The following ZNF365 variants were observed in gnomAD, a reference collection of about 807,000 sequenced individuals.
The protein encoded by ZNF365 is zinc finger protein 365, also known as protein ZNF365.
In ZNF365, 22 loss-of-function variants were observed where a neutral mutation model predicts 35.0. The observed-to-expected ratio is 0.63, with a 90% CI of 0.45 to 0.90. ZNF365 has a LOEUF of 0.90. Among genes scored for constraint, ZNF365 ranks in the 40% least tolerant of loss-of-function variants. ZNF365 has a pLI of 0.00. For missense variants in ZNF365, 448 were observed against 500.3 expected (o/e 0.90, Z 1.00); for synonymous variants, 188 against 196.2 (o/e 0.96, Z 0.35).
intron 4 of ZNF365, among the ~76,000 whole-genome samples, chr10:62,467,593 G>A (rs761641541): frequency 5.3e-5 from 8 of 152,168 alleles, no homozygotes; most frequent in East Asian, 1.9e-4. Flanking sequence ...TATGATATGC[G>A]TACTACACAT....
At chr10:62,459,715 T>C (rs1231724414) in intron 3 of ZNF365, 8 of 1,598,364 alleles carry the variant, frequency 5.0e-6, no homozygotes, top group Non-Finnish European at 6.8e-6. Flanking sequence ...CCATTCATGA[T>C]GGCAGTACCC....
intron 3 of ZNF365, among the ~76,000 whole-genome samples, chr10:62,447,911 C>T (rs1840616781): frequency 6.6e-6 from 1 of 152,190 alleles, no homozygotes; most frequent in South Asian, 2.1e-4. Flanking sequence ...ACTTAAAGTA[C>T]AATCTTTCCT....
At chr10:62,382,570 C>T (rs1002695866) in intron 2 of ZNF365, among the ~76,000 whole-genome samples, 2 of 152,190 alleles carry the variant, frequency 1.3e-5, no homozygotes, top group Admixed American at 1.3e-4. Context: ...CCTTGGGACT[C>T]AGAATATAGT....
Position 62,480,066 on chromosome 10 carries a change from G to C in ZNF365, c.*170G>C. 3 of 1,332,882 alleles carry C rather than the reference G, an allele frequency of 2.3e-6. No homozygotes were observed. The South Asian group carries it at 4.7e-5, about 21-fold the overall frequency. 82.6% of individuals were successfully genotyped at this position (1,332,882 alleles called of 1,614,324 possible). On this transcript the variant is annotated 3_prime_UTR_variant, in exon 5 of 5. Coordinates refer to the ZNF365 transcript ENST00000395255. ...TTGGTGACTTTACTCACCAGGAGTG[G>C]GTTCAGACTCCTGATGGATGAGCTC...
intron 3 of ZNF365, among the ~76,000 whole-genome samples, chr10:62,435,091 C>T (rs1840387220): frequency 6.6e-6 from 1 of 152,078 alleles, no homozygotes; most frequent in African/African-American, 2.4e-5. Flanking sequence ...ATTTTGGAAA[C>T]TAAATAGAGA....
intron 3 of ZNF365, among the ~76,000 whole-genome samples, chr10:62,442,367 TA>T (rs2132465863): frequency 6.6e-6 from 1 of 152,310 alleles, no homozygotes; most frequent in South Asian, 2.1e-4. Context: ...GTAAATTCCA[TA>T]CATTGACTCA....
At chr10:62,477,849 C>T (rs1018183693) in intron 4 of ZNF365, among the ~76,000 whole-genome samples, 7 of 152,168 alleles carry the variant, frequency 4.6e-5, no homozygotes, top group Admixed American at 2.0e-4. Flanking sequence ...GGCCAAGGTA[C>T]GTCACATGGC....
chr10:62,466,914 G>T (rs538229746), intron 4 of ZNF365, among the ~76,000 whole-genome samples: 16 of 152,106 alleles, frequency 1.1e-4, no homozygotes, highest in African/African-American at 3.9e-4. Flanking sequence ...TGATTCTCTT[G>T]TCTCAGCCCC....
chr10:62,430,587 G>A (rs1419963099), intron 3 of ZNF365, among the ~76,000 whole-genome samples: 1 of 152,146 alleles, frequency 6.6e-6, no homozygotes, highest in African/African-American at 2.4e-5. Flanking sequence ...GGACCCTTGT[G>A]AGGTTTTAAA....
chr10:62,388,480 G>C lies in ZNF365; in HGVS notation c.828G>C (p.Glu276Asp), dbSNP rs997980356. The change falls in exon 3 of 5, where the codon GAG becomes GAC. Residue 276 changes from glutamate to aspartate, a missense_variant. By Grantham distance (45) the Glu-to-Asp change is conservative. Coordinates refer to ENST00000395254, the MANE Select transcript of ZNF365 (RefSeq NM_014951.3). ...QGKARLQDFIENLLQRVELAE... is the reference protein window; with the variant it reads ...QGKARLQDFIDNLLQRVELAE... ...AAGCCCGGCTCCAGGACTTTATTGA[G>C]AATCTGTTACAGCGGGTAGAACTGG... The C allele has an allele frequency of 6.2e-7, 1 of 1,614,110 alleles. No individual in the cohort carries two copies. The highest frequency in any genetic ancestry group is 1.3e-5 in the African/African-American group (1 of 74,932).
At chr10:62,392,637 T>TTTGC (rs1839650539) in intron 3 of ZNF365, among the ~76,000 whole-genome samples, 1 of 151,802 alleles carries the variant, frequency 6.6e-6, no homozygotes, top group Non-Finnish European at 1.5e-5. Flanking sequence ...TGTTTGTTTG[T>TTTGC]TTGTTTGTTT....
intron 2 of ZNF365, among the ~76,000 whole-genome samples, chr10:62,380,646 G>A (rs898061151): frequency 6.6e-6 from 1 of 152,160 alleles, no homozygotes; most frequent in African/African-American, 2.4e-5. Context: ...TGTAGGTTTT[G>A]GAGTGCAAAC....
intron 3 of ZNF365, among the ~76,000 whole-genome samples, chr10:62,421,859 A>G (rs2132448384): frequency 6.6e-6 from 1 of 152,336 alleles, no homozygotes; most frequent in Non-Finnish European, 1.5e-5. Context: ...TTACAACTAT[A>G]GTTGTTACAG....
intron 3 of ZNF365, among the ~76,000 whole-genome samples, chr10:62,447,883 G>C (rs1198874103): frequency 6.6e-6 from 1 of 152,142 alleles, no homozygotes; most frequent in African/African-American, 2.4e-5. Context: ...GTTCAGCACT[G>C]GGTAAGGGAC....
At position 62,400,659 on chromosome 10, in the gene ZNF365, A is replaced by G. The variant is rs1293838788; in HGVS notation, c.*870A>G. 1.0e-6 allele frequency: 1 copy of G among 985,598 alleles called. No homozygotes were observed. Among genetic ancestry groups the G allele is most frequent in the African/African-American group, 1.7e-5 (1 of 57,228 alleles). 61.1% of individuals were successfully genotyped at this position (985,598 alleles called of 1,614,324 possible). ...GCTTGGTGCATCGTGCATCGTGACC[A>G]TCCTGGAAGCACTGCGGGTGTCGCC... is the stretch of plus-strand genomic sequence containing the variant. On this transcript the variant is annotated 3_prime_UTR_variant, in exon 5 of 5. Transcript: ENST00000395254.
chr10:62,468,266 C>T (rs1259554421), intron 4 of ZNF365, among the ~76,000 whole-genome samples: 1 of 152,180 alleles, frequency 6.6e-6, no homozygotes, highest in Non-Finnish European at 1.5e-5. Context: ...TGTTTCTATA[C>T]TTCCATAAAT....
chr10:62,387,292 T>A (rs1839541457), intron 2 of ZNF365, among the ~76,000 whole-genome samples: 1 of 152,066 alleles, frequency 6.6e-6, no homozygotes, highest in Admixed American at 6.5e-5. Context: ...AGGAAAACCG[T>A]GTATGTGTGC....
intron 3 of ZNF365, among the ~76,000 whole-genome samples, chr10:62,427,468 G>A (rs1840268140): frequency 6.6e-6 from 1 of 152,138 alleles, no homozygotes; most frequent in Non-Finnish European, 1.5e-5. Context: ...TATTTTGTTA[G>A]CACAGCAACA....
intron 3 of ZNF365, among the ~76,000 whole-genome samples, chr10:62,434,665 A>G (rs1184637380): frequency 6.6e-6 from 1 of 152,228 alleles, no homozygotes; most frequent in Non-Finnish European, 1.5e-5. Context: ...TCAGAAGGAC[A>G]GTGAAATAGG....
Sources: allele counts gnomAD v4.1 joint callset (sites outside exome capture counted in the v4.1 genomes callset), GRCh38; gene constraint gnomAD v4.1.1; transcripts MANE v1.5; gene names NCBI Gene and HGNC (gene_info 2026-07-23, HGNC 2026-07-21).